Variants in MAP3K20 observed in about 807,000 individuals in gnomAD.
MAP3K20 encodes mitogen-activated protein kinase kinase kinase 20, also known as HCCS-4.
In MAP3K20, 40 loss-of-function variants were observed where a neutral mutation model predicts 85.7. The observed-to-expected ratio is 0.47, with a 90% CI of 0.36 to 0.61. The LOEUF is 0.61. Among genes scored for constraint, MAP3K20 ranks in the 20% least tolerant of loss-of-function variants. The pLI is 0.00. For synonymous variants in MAP3K20, 325 were observed against 327.7 expected, an observed-to-expected ratio of 0.99 and a Z score of 0.09; for missense variants, 817 against 961.7, an observed-to-expected ratio of 0.85 and a Z score of 1.99.
At chr2:173,260,927 C>A in intron 17 of MAP3K20, 136 bp from the exon 18 acceptor site, 3 of 686,352 alleles carry the variant, frequency 4.4e-6, no homozygotes, top group South Asian at 2.0e-5. Flanking sequence ...ACATGAGAAC[C>A]AACAAGGCTT....
At chr2:173,256,475 A>G (rs1355501053) in intron 16 of MAP3K20, among the ~76,000 whole-genome samples, 1 of 148,726 alleles carries the variant, frequency 6.7e-6, no homozygotes, top group Non-Finnish European at 1.5e-5. Flanking sequence ...AAAGAAATTT[A>G]AAAAAATAGA....
At chr2:173,120,127 TC>T (rs1315449617) in intron 2 of MAP3K20, among the ~76,000 whole-genome samples, 2 of 152,028 alleles carry the variant, frequency 1.3e-5, no homozygotes, top group African/African-American at 4.8e-5. Flanking sequence ...AAAGGGAAAA[TC>T]CCCAAAGCTG....
intron 2 of MAP3K20, among the ~76,000 whole-genome samples, chr2:173,156,696 G>A (rs537802427): frequency 2.0e-5 from 3 of 152,274 alleles, no homozygotes; most frequent in South Asian, 4.2e-4. Flanking sequence ...GGGAATGCTC[G>A]CTCGCCAGCT....
chr2:173,092,935 AT>A lies in MAP3K20; in HGVS notation c.159+1747del, dbSNP rs11318994. Among the ~76,000 whole-genome samples, 1,514 of 152,286 alleles carry A rather than the reference AT, an allele frequency of 9.9e-3. 25 individuals carry two copies. The highest frequency in any genetic ancestry group is 0.032 in the African/African-American group (1,326 of 41,552). ...CAGGTATTTAACATGAATGTAGGTA[AT>A]TCAGAAATTGAGTTGATTCCAGTAA... On this transcript the variant is annotated intron_variant, in intron 2 of 19. Transcript: ENST00000375213.
At chr2:173,199,448 A>G (rs3769163) in intron 8 of MAP3K20, among the ~76,000 whole-genome samples, 25,985 of 152,228 alleles carry the variant, frequency 0.17, 2,497 homozygotes, top group South Asian at 0.34. Context: ...GCTATTAAAT[A>G]AGATCTTACA....
intron 2 of MAP3K20, among the ~76,000 whole-genome samples, chr2:173,112,674 A>G (rs1688009319): frequency 6.6e-6 from 1 of 152,102 alleles, no homozygotes; most frequent in Admixed American, 6.6e-5. Context: ...TGAAACGACC[A>G]TGTCACTTTT....
chr2:173,267,716 T>C lies in MAP3K20; in HGVS notation c.*966T>C, dbSNP rs1193144738. 2.6e-5 allele frequency: 4 copies of C among 152,146 alleles called. No homozygotes were observed. The highest frequency in any genetic ancestry group is 4.4e-5 in the Non-Finnish European group (3 of 68,036). 9.4% of individuals were successfully genotyped at this position (152,146 alleles called of 1,614,324 possible). A position where few individuals can be genotyped will look rare whatever the true frequency, so the allele number is the denominator to read the frequency against. On this transcript the variant is annotated 3_prime_UTR_variant, in exon 20 of 20. Coordinates refer to ENST00000375213, the MANE Select transcript of MAP3K20 (RefSeq NM_016653.3). The stretch of plus-strand genomic sequence containing the variant: ...CTCTTGGGATGTCAGAAATCTAAAA[T>C]CTAAAAGAAAACAGACACAGAGCAA...
intron 2 of MAP3K20, among the ~76,000 whole-genome samples, chr2:173,165,373 C>T (rs1343666049): frequency 6.6e-6 from 1 of 152,046 alleles, no homozygotes; most frequent in African/African-American, 2.4e-5. Flanking sequence ...GTGGAGATTG[C>T]ACCACTGTAC....
intron 2 of MAP3K20, among the ~76,000 whole-genome samples, chr2:173,107,592 A>G (rs1355937836): frequency 2.0e-5 from 3 of 152,208 alleles, no homozygotes; most frequent in African/African-American, 4.8e-5. Flanking sequence ...TTGCGCTGCA[A>G]ATGGAGGCAT....
chr2:173,202,451 A>G (rs1198144111), intron 8 of MAP3K20, among the ~76,000 whole-genome samples: 1 of 152,186 alleles, frequency 6.6e-6, no homozygotes, highest in African/African-American at 2.4e-5. Flanking sequence ...TTTGGCAAAC[A>G]GAACTGTGGA....
At chr2:173,149,647 G>T (rs1004698244) in intron 2 of MAP3K20, among the ~76,000 whole-genome samples, 19 of 152,000 alleles carry the variant, frequency 1.3e-4, no homozygotes, top group Admixed American at 1.2e-3. Flanking sequence ...GACCTAAACT[G>T]GAGTCCTTGC....
In MAP3K20 at chr2:173,075,962, C is replaced by A. The variant is rs1175572669; in HGVS notation, c.-75C>A. The A allele has an allele frequency of 1.0e-6, 1 of 984,994 alleles. No individual in the cohort carries two copies. The highest frequency in any genetic ancestry group is 4.7e-5 in the South Asian group (1 of 21,290). 61.0% of individuals were successfully genotyped at this position (984,994 alleles called of 1,614,324 possible). On this transcript the variant is annotated 5_prime_UTR_variant, in exon 1 of 20. Coordinates refer to ENST00000375213, the MANE Select transcript of MAP3K20 (RefSeq NM_016653.3). Reference sequence around the variant, plus strand: ...GCCGCCCTCGTCGCGCGCGGGGCCTCCGCGCCCCCGGCTGCTGCTCACGCC... The same window carrying A: ...GCCGCCCTCGTCGCGCGCGGGGCCTACGCGCCCCCGGCTGCTGCTCACGCC...
At chr2:173,179,900 G>A (rs1235456062) in intron 3 of MAP3K20, among the ~76,000 whole-genome samples, 1 of 151,656 alleles carries the variant, frequency 6.6e-6, no homozygotes, top group East Asian at 1.9e-4. Flanking sequence ...AAAATAGTTG[G>A]GTATAAATTT....
intron 3 of MAP3K20, among the ~76,000 whole-genome samples, chr2:173,173,454 G>A (rs1458130338): frequency 1.3e-5 from 2 of 152,128 alleles, no homozygotes; most frequent in Non-Finnish European, 2.9e-5. Context: ...TACCTGTTCT[G>A]CGTTAGCCTC....
At chr2:173,244,396 T>C (rs768778846) in intron 16 of MAP3K20, among the ~76,000 whole-genome samples, 1 of 152,202 alleles carries the variant, frequency 6.6e-6, no homozygotes, top group Non-Finnish European at 1.5e-5. Context: ...TTTGCTTAGA[T>C]AATACATTTC....
intron 2 of MAP3K20, among the ~76,000 whole-genome samples, chr2:173,153,846 T>G (rs1424867354): frequency 6.6e-6 from 1 of 152,254 alleles, no homozygotes; most frequent in Non-Finnish European, 1.5e-5. Flanking sequence ...AAATGCTCTG[T>G]AAGTAATTCT....
At chr2:173,257,902 CG>C (rs1685196882) in intron 16 of MAP3K20, among the ~76,000 whole-genome samples, 1 of 152,008 alleles carries the variant, frequency 6.6e-6, no homozygotes, top group African/African-American at 2.4e-5. Context: ...TTCCTGGTAA[CG>C]AATGGTGTAA....
At chr2:173,102,758 G>A (rs1336331417) in intron 2 of MAP3K20, among the ~76,000 whole-genome samples, 1 of 152,178 alleles carries the variant, frequency 6.6e-6, no homozygotes, top group Admixed American at 6.5e-5. Flanking sequence ...TTAAAAACAT[G>A]CCAAGCAGTG....
intron 9 of MAP3K20, 111 bp from the exon 10 acceptor site, chr2:173,209,613 GTTTTA>G: frequency 2.5e-6 from 2 of 785,142 alleles, no homozygotes; most frequent in South Asian, 1.9e-5. Flanking sequence ...ATTGTATCAT[GTTTTA>G]TTTTGTTATG....
Sources: gnomAD v4.1 joint callset for allele counts (sites outside exome capture counted in the v4.1 genomes callset) on GRCh38, gnomAD v4.1.1 for gene constraint, MANE v1.5 for transcripts, NCBI Gene and HGNC (gene_info 2026-07-23, HGNC 2026-07-21) for gene names.